BFSP1: variants seen among roughly 807,000 people sequenced by gnomAD.
The protein encoded by BFSP1 is filensin.
In BFSP1, 38 loss-of-function variants were observed where a neutral mutation model predicts 43.9. That is an observed-to-expected ratio of 0.87 (90% confidence interval 0.67 to 1.14). The LOEUF (loss-of-function observed/expected upper bound fraction) is 1.14. Ranked by LOEUF, BFSP1 falls within the 50% of genes most tolerant of loss-of-function variation. BFSP1 has a pLI of 0.00. For synonymous variants in BFSP1, 352 were observed against 354.8 expected, an observed-to-expected ratio of 0.99 and a Z score of 0.09; for missense variants, 850 against 875.1, an observed-to-expected ratio of 0.97 and a Z score of 0.36.
At chr20:17,567,342 C>A (rs375843325) in intron 1 of BFSP1, among the ~76,000 whole-genome samples, 38 of 152,170 alleles carry the variant, frequency 2.5e-4, no homozygotes, top group Admixed American at 7.9e-4. Context: ...TTCATACATA[C>A]GCATCTTAAA....
chr20:17,510,372 T>G (rs1285425991), intron 4 of BFSP1, among the ~76,000 whole-genome samples: 1 of 152,082 alleles, frequency 6.6e-6, no homozygotes, highest in Non-Finnish European at 1.5e-5. Flanking sequence ...TGAGTTAGAG[T>G]TGGGTTTGAA....
chr20:17,531,075 C>T lies in BFSP1; in HGVS notation c.255G>A (p.Glu85=). 1 of 1,390,870 alleles carries T rather than the reference C, an allele frequency of 7.2e-7. No individual in the cohort carries two copies. Among genetic ancestry groups the T allele is most frequent in the Non-Finnish European group, 9.3e-7 (1 of 1,073,996 alleles). 86.2% of individuals were successfully genotyped at this position (1,390,870 alleles called of 1,614,324 possible). Residue 85 remains glutamate (E), a synonymous_variant, in exon 1 of 8, where the codon GAG becomes GAA. Transcript: ENST00000377873. ...FQRLGELAGP[E]DALARQVESN... ...TCTCGACTTGGCGGGCGAGGGCGTC[C>T]TCGGGCCCGGCCAGCTCGCCCAGGC... is the stretch of plus-strand genomic sequence containing the variant.
chr20:17,515,558 C>T (rs2034180210), intron 2 of BFSP1, among the ~76,000 whole-genome samples: 1 of 152,212 alleles, frequency 6.6e-6, no homozygotes, highest in Admixed American at 6.5e-5. Context: ...TCTCAGGAAA[C>T]TTTCTGATAA....
intron 1 of BFSP1, among the ~76,000 whole-genome samples, chr20:17,538,229 G>A (rs1412557436): frequency 1.3e-5 from 2 of 151,802 alleles, no homozygotes; most frequent in Non-Finnish European, 2.9e-5. Context: ...AACTGGTTTG[G>A]GGATGAGGCA....
intron 7 of BFSP1, 115 bp from the exon 8 acceptor site, chr20:17,495,144 TG>T (rs2033602189): frequency 5.0e-6 from 5 of 992,192 alleles, no homozygotes; most frequent in Non-Finnish European, 7.3e-6. Context: ...AGTACTAGGG[TG>T]GGGCTTCCTT....
rs760271693 is a variant in BFSP1, at chr20:17,494,700, G to A, written c.1372C>T (p.Pro458Ser). Residue 458 changes from proline to serine, a missense_variant, in exon 8 of 8, where the codon CCT (proline) becomes TCT (serine). Coordinates refer to ENST00000377873, the MANE Select transcript of BFSP1 (RefSeq NM_001195.5). ...GTGTAGAGCTCAGTGGGGGTCTCAG[G>A]CTCTTTGGGGCTTCTCACTTTCTCC... ...VKEKVRSPKE[P>S]ETPTELYTKE... The A allele has an allele frequency of 3.9e-6, 6 of 1,520,332 alleles. No individual in the cohort carries two copies. Among genetic ancestry groups the A allele is most frequent in the Non-Finnish European group, 5.3e-6 (6 of 1,129,160 alleles). 94.2% of individuals were successfully genotyped at this position (1,520,332 alleles called of 1,614,324 possible).
In BFSP1 at chr20:17,499,242, ATTT is replaced by A. The variant is rs11339300; in HGVS notation, c.736-205_736-203del. On this transcript the variant is annotated intron_variant, in intron 5 of 7. Coordinates refer to ENST00000377873, the MANE Select transcript of BFSP1 (RefSeq NM_001195.5). ...AACTGAGCTCCTGTGTCCTTACACA[ATTT>A]TTTTTTTTTTTTTTTTTGATAGAGG... Among the ~76,000 whole-genome samples, 1,122 of 129,610 alleles carry A rather than the reference ATTT, an allele frequency of 8.7e-3. 9 individuals carry two copies. The highest frequency in any genetic ancestry group is 0.025 in the African/African-American group (875 of 35,656). 85.0% of individuals were successfully genotyped at this position (129,610 alleles called of 152,430 possible). A position where few individuals can be genotyped will look rare whatever the true frequency, so the allele number is the denominator to read the frequency against.
At chr20:17,522,002 C>A (rs1309883037) in intron 2 of BFSP1, among the ~76,000 whole-genome samples, 2 of 152,158 alleles carry the variant, frequency 1.3e-5, no homozygotes, top group Non-Finnish European at 2.9e-5. Flanking sequence ...GTGGGCCATG[C>A]ATGTTCCCAG....
intron 5 of BFSP1, among the ~76,000 whole-genome samples, chr20:17,500,068 T>G (rs762858326): frequency 1.6e-4 from 25 of 152,230 alleles, no homozygotes; most frequent in Non-Finnish European, 3.5e-4. Flanking sequence ...AGATGCTACC[T>G]TTATTGAAAT....
intron 1 of BFSP1, among the ~76,000 whole-genome samples, chr20:17,528,369 G>A (rs3790328): frequency 0.056 from 8,453 of 152,202 alleles, 251 homozygotes; most frequent in Middle Eastern, 0.078. Context: ...CCTTCAACTA[G>A]GACTCATGGA....
intron 6 of BFSP1, among the ~76,000 whole-genome samples, chr20:17,498,443 TAGCTCACCTGCAGC>T (rs1203980704): frequency 6.6e-6 from 1 of 152,170 alleles, no homozygotes; most frequent in African/African-American, 2.4e-5. Flanking sequence ...CCGTGCCACG[TAGCTCACCTGCAGC>T]ACCTCATTAA....
upstream of BFSP1, among the ~76,000 whole-genome samples, chr20:17,532,395 A>C (rs370538655): frequency 5.7e-5 from 8 of 139,384 alleles, no homozygotes; most frequent in African/African-American, 2.2e-4. Flanking sequence ...ACAGAGTGAG[A>C]CTCCGTCTCA....
chr20:17,553,780 T>TAC (rs1398769929), intron 1 of BFSP1, among the ~76,000 whole-genome samples: 2 of 64,984 alleles, frequency 3.1e-5, no homozygotes, highest in East Asian at 3.2e-4. Context: ...TATAAACATA[T>TAC]ATATATATAT....
At chr20:17,534,741 C>T (rs529683440), upstream of BFSP1, among the ~76,000 whole-genome samples, 16 of 152,216 alleles carry the variant, frequency 1.1e-4, no homozygotes, top group Non-Finnish European at 1.8e-4. Flanking sequence ...AGTATAGGGC[C>T]GAGTGTGGTG....
intron 1 of BFSP1, among the ~76,000 whole-genome samples, chr20:17,568,754 G>C (rs554100054): frequency 1.3e-5 from 2 of 152,144 alleles, no homozygotes; most frequent in East Asian, 3.9e-4. Flanking sequence ...TTCCTATGTT[G>C]AGTGGGGCAG....
chr20:17,541,156 T>G (rs1355729573), intron 1 of BFSP1: 1 of 602,882 alleles, frequency 1.7e-6, no homozygotes, highest in Non-Finnish European at 2.1e-6. Flanking sequence ...TTCCTGTGAA[T>G]AGCCACTGCA....
upstream of BFSP1, chr20:17,560,848 G>A (rs1398632860): frequency 6.6e-6 from 1 of 152,156 alleles, no homozygotes; most frequent in Non-Finnish European, 1.5e-5. Context: ...GCCACAACCA[G>A]CCCATTGCTG....
chr20:17,541,111 G>T, intron 1 of BFSP1: 1 of 265,740 alleles, frequency 3.8e-6, no homozygotes, highest in Non-Finnish European at 5.8e-6. Flanking sequence ...GATCACTGGA[G>T]ACCGGGAGTT....
At chr20:17,514,861 A>G (rs749255146) in intron 2 of BFSP1, 45 bp from the exon 3 acceptor site, 8 of 1,574,682 alleles carry the variant, frequency 5.1e-6, no homozygotes, top group African/African-American at 2.7e-5. Flanking sequence ...ACCATGGAGC[A>G]TAGGGGTAAA....
Sources: allele counts gnomAD v4.1 joint callset (sites outside exome capture counted in the v4.1 genomes callset), GRCh38; gene constraint gnomAD v4.1.1; transcripts MANE v1.5; gene names NCBI Gene and HGNC (gene_info 2026-07-23, HGNC 2026-07-21).